TAFA5: variants seen among roughly 807,000 people sequenced by gnomAD.
The protein encoded by TAFA5 is TAFA chemokine like family member 5, also known as chemokine-like protein TAFA-5.
A neutral mutation model predicts 15.3 loss-of-function variants in TAFA5; 6 were observed. That is an observed-to-expected ratio of 0.39 (90% CI 0.21 to 0.77). The LOEUF is 0.77. Among genes scored for constraint, TAFA5 ranks in the 30% least tolerant of loss-of-function variants. TAFA5 has a pLI of 0.41. For missense variants in TAFA5, 161 were observed against 193.1 expected, an observed-to-expected ratio of 0.83 and a Z score of 0.98; for synonymous variants, 103 against 80.7, an observed-to-expected ratio of 1.28 and a Z score of -1.48.
intron 1 of TAFA5, among the ~76,000 whole-genome samples, chr22:48,513,266 G>T (rs1178819933): frequency 6.6e-6 from 1 of 152,222 alleles, no homozygotes; most frequent in Non-Finnish European, 1.5e-5. Flanking sequence ...CAGACAGCAG[G>T]TCCTGGAGTA....
intron 1 of TAFA5, among the ~76,000 whole-genome samples, chr22:48,621,908 C>T (rs1041048973): frequency 2.6e-5 from 4 of 152,102 alleles, no homozygotes; most frequent in Admixed American, 1.3e-4. Flanking sequence ...ACGGTTTGTG[C>T]CTCTGGAGGT....
chr22:48,575,933 G>T (rs1923765240), intron 1 of TAFA5, among the ~76,000 whole-genome samples: 1 of 143,910 alleles, frequency 6.9e-6, no homozygotes, highest in South Asian at 2.1e-4. Flanking sequence ...GAGCGCGGGC[G>T]GCGGAGGAGG....
rs148001453 is a variant in TAFA5 at position 48,577,990 on chromosome 22, G to A, written c.113-68607G>A. On this transcript the variant is annotated intron_variant, in intron 1 of 3. Transcript: ENST00000402357. ...AGTCATTGGGTCCAGGCAAGCCCGC[G>A]AGGGCTGTCCTCTGCTGGTGTCGCG... Among the ~76,000 whole-genome samples, 526 of 152,348 alleles carry A rather than the reference G, an allele frequency of 3.5e-3. 27 individuals are homozygous for A. In the East Asian group the frequency reaches 0.088, roughly 25 times the overall value.
intron 1 of TAFA5, among the ~76,000 whole-genome samples, chr22:48,500,866 T>G (rs972710854): frequency 1.3e-5 from 2 of 152,104 alleles, no homozygotes; most frequent in African/African-American, 4.8e-5. Flanking sequence ...GTGCTTGGTA[T>G]GTGTGCTGTT....
At chr22:48,589,699 A>AGACAG (rs147863771) in intron 1 of TAFA5, among the ~76,000 whole-genome samples, 28,635 of 151,996 alleles carry the variant, frequency 0.19, 3,366 homozygotes, top group African/African-American at 0.34. Context: ...AGAAGCAAAC[A>AGACAG]GAGAGGGGGC....
chr22:48,560,544 C>T lies in TAFA5; in HGVS notation c.112+70840C>T, dbSNP rs910384977. On this transcript the variant is annotated intron_variant, in intron 1 of 3. Transcript: ENST00000402357. This position sits in a 1 kb window ranked among gnomAD's most constrained non-coding sequence, Gnocchi z 4.2. ...AGGCACCTGGGTCCTGACACCCACA[C>T]TGGGCCATGAAAAACGTTGTATTTT... 1.3e-5 allele frequency among the ~76,000 whole-genome samples: 2 copies of T among 151,478 alleles called. No individual in the cohort carries two copies. Among genetic ancestry groups the T allele is most frequent in the African/African-American group, 4.9e-5 (2 of 41,216 alleles).
chr22:48,548,126 A>C (rs1922739194), intron 1 of TAFA5, among the ~76,000 whole-genome samples: 1 of 152,018 alleles, frequency 6.6e-6, no homozygotes, highest in Non-Finnish European at 1.5e-5. Flanking sequence ...CAGGCGCAGG[A>C]GGCCCGGGGG....
intron 1 of TAFA5, among the ~76,000 whole-genome samples, chr22:48,495,641 C>G (rs1394254859): frequency 6.6e-6 from 1 of 152,208 alleles, no homozygotes; most frequent in Non-Finnish European, 1.5e-5. Context: ...CCAAAGACAT[C>G]TTGCCCGTCC....
At chr22:48,593,362 A>C (rs1024554084) in intron 1 of TAFA5, among the ~76,000 whole-genome samples, 14 of 152,176 alleles carry the variant, frequency 9.2e-5, no homozygotes, top group Non-Finnish European at 5.9e-5. Flanking sequence ...GCCCAAGGCC[A>C]TATGGGTCTC....
chr22:48,492,949 G>A (rs1248332696), intron 1 of TAFA5, among the ~76,000 whole-genome samples: 1 of 152,210 alleles, frequency 6.6e-6, no homozygotes, highest in Non-Finnish European at 1.5e-5. Flanking sequence ...CTGCCTAGAT[G>A]TGGTTCTTGC....
At chr22:48,685,653 T>A (rs130108) in intron 2 of TAFA5, among the ~76,000 whole-genome samples, 86,444 of 151,486 alleles carry the variant, frequency 0.57, 26,472 homozygotes, top group Non-Finnish European at 0.68. Context: ...TCCCATCCCA[T>A]CATGGTTGGG....
rs145367646 is a variant in TAFA5 at position 48,515,917 on chromosome 22, G to C, written c.112+26213G>C. Among the ~76,000 whole-genome samples the C allele has an allele frequency of 3.0e-3, 423 of 141,892 alleles. 3 individuals are homozygous for C. Among genetic ancestry groups the C allele is most frequent in the African/African-American group, 0.011 (412 of 38,060 alleles). The allele number at this position is 141,892 out of a possible 152,430, so 93.1% of individuals were successfully genotyped here. A position where few individuals can be genotyped will look rare whatever the true frequency, so the allele number is the denominator to read the frequency against. On this transcript the variant is annotated intron_variant, in intron 1 of 3. Transcript: ENST00000402357. ...CCATCAGTCTCGGTGGGCAGGTGTC[G>C]TTCCTCCAGGTGGGCTGAACTCAGA...
chr22:48,634,729 T>G (rs1018201406), intron 1 of TAFA5, among the ~76,000 whole-genome samples: 1 of 148,640 alleles, frequency 6.7e-6, no homozygotes, highest in Non-Finnish European at 1.5e-5. Flanking sequence ...ATTCATCTAC[T>G]CATTCACTCT....
At chr22:48,744,605 C>A (rs1017648934) in intron 3 of TAFA5, among the ~76,000 whole-genome samples, 3 of 152,142 alleles carry the variant, frequency 2.0e-5, no homozygotes, top group Admixed American at 1.3e-4. Context: ...GCAGACACAG[C>A]CTCCTCGTTA....
intron 2 of TAFA5, among the ~76,000 whole-genome samples, chr22:48,698,055 A>G (rs1336072167): frequency 7.7e-6 from 1 of 129,140 alleles, no homozygotes; most frequent in Admixed American, 8.0e-5. Context: ...GGTGGTTAGG[A>G]TGATGTCATA....
intron 3 of TAFA5, among the ~76,000 whole-genome samples, chr22:48,713,389 T>C (rs1929312587): frequency 6.6e-6 from 1 of 152,192 alleles, no homozygotes; most frequent in African/African-American, 2.4e-5. Flanking sequence ...CCGTTGGATA[T>C]GGACAAGAGG....
intron 2 of TAFA5, among the ~76,000 whole-genome samples, chr22:48,669,088 G>C (rs1000627271): frequency 4.6e-5 from 7 of 152,220 alleles, no homozygotes; most frequent in African/African-American, 1.7e-4. Context: ...CCCGACGTGA[G>C]GACACAACCA....
intron 3 of TAFA5, among the ~76,000 whole-genome samples, chr22:48,712,347 G>T (rs927405917): frequency 6.6e-6 from 1 of 152,316 alleles, no homozygotes; most frequent in Admixed American, 6.5e-5. Flanking sequence ...GTGAGCCACC[G>T]TGCCGGCCCA....
chr22:48,682,743 G>T (rs567034602), intron 2 of TAFA5, among the ~76,000 whole-genome samples: 1 of 152,174 alleles, frequency 6.6e-6, no homozygotes. Context: ...CTGAATTGAC[G>T]TGTGTCTGGA....
Sources: allele counts gnomAD v4.1 joint callset (sites outside exome capture counted in the v4.1 genomes callset), GRCh38; gene constraint gnomAD v4.1.1; non-coding constraint Gnocchi (gnomAD v3.1); transcripts MANE v1.5; gene names NCBI Gene and HGNC (gene_info 2026-07-23, HGNC 2026-07-21).